DIP2C: variants seen among roughly 807,000 people sequenced by gnomAD.
DIP2C encodes disco-interacting protein 2 homolog C.
DIP2C carries 33 observed loss-of-function variants against 192.4 expected under a neutral mutation model. The observed-to-expected ratio is 0.17, with a 90% CI of 0.13 to 0.23. The LOEUF (loss-of-function observed/expected upper bound fraction) is 0.23. Ranked by LOEUF, DIP2C falls within the 10% of genes least tolerant of loss-of-function variation. DIP2C has a pLI of 1.00. For synonymous variants in DIP2C, 979 were observed against 864.1 expected (o/e 1.13, Z -2.33); for missense variants, 1,537 against 2,110.1 (o/e 0.73, Z 5.32).
At chr10:512,582 C>T (rs545949088) in intron 1 of DIP2C, among the ~76,000 whole-genome samples, 98 of 151,628 alleles carry the variant, frequency 6.5e-4, no homozygotes, top group African/African-American at 2.2e-3. Context: ...GAGACCCCAT[C>T]TCAAAAAACA....
At chr10:423,854 C>G (rs1347415230) in intron 4 of DIP2C, among the ~76,000 whole-genome samples, 6 of 152,224 alleles carry the variant, frequency 3.9e-5, no homozygotes, top group Non-Finnish European at 8.8e-5. Flanking sequence ...GGGCACACGA[C>G]AAACCTTCAT....
chr10:355,671 A>G (rs1959047387), intron 24 of DIP2C, among the ~76,000 whole-genome samples: 1 of 152,212 alleles, frequency 6.6e-6, no homozygotes, highest in East Asian at 1.9e-4. Flanking sequence ...CGGTGGAACA[A>G]TATTTGATGA....
At chr10:582,068 C>T (rs552680718) in intron 1 of DIP2C, among the ~76,000 whole-genome samples, 1 of 152,156 alleles carries the variant, frequency 6.6e-6, no homozygotes, top group Admixed American at 6.5e-5. Flanking sequence ...AATAGGATTC[C>T]AGTGTCTATG....
intron 1 of DIP2C, among the ~76,000 whole-genome samples, chr10:506,946 T>TG (rs1333023975): frequency 1.3e-5 from 2 of 151,286 alleles, no homozygotes; most frequent in African/African-American, 4.9e-5. Flanking sequence ...TGTGAGGGCA[T>TG]GGACCCGGTC....
chr10:574,854 G>A (rs577269334), intron 1 of DIP2C, among the ~76,000 whole-genome samples: 2 of 152,318 alleles, frequency 1.3e-5, no homozygotes, highest in East Asian at 3.9e-4. Flanking sequence ...TCAATGCTTT[G>A]TATGTGCAAA....
At chr10:573,725 CTTT>C (rs1306405099) in intron 1 of DIP2C, among the ~76,000 whole-genome samples, 1 of 151,710 alleles carries the variant, frequency 6.6e-6, no homozygotes, top group South Asian at 2.1e-4. Context: ...TTCCTCTTTT[CTTT>C]TTAAGTGATT....
chr10:302,893 C>G (rs1294581989), intron 32 of DIP2C, among the ~76,000 whole-genome samples: 1 of 152,250 alleles, frequency 6.6e-6, no homozygotes, highest in African/African-American at 2.4e-5. Flanking sequence ...TACAACATCA[C>G]TGCACGTGGC....
chr10:524,967 C>CAAAAAAAAATAAAAAAAAAAAA (rs1846962944), intron 1 of DIP2C, among the ~76,000 whole-genome samples: 1 of 111,212 alleles, frequency 9.0e-6, no homozygotes, highest in Non-Finnish European at 1.7e-5. Context: ...ATCACAATTT[C>CAAAAAAAAATAAAAAAAAAAAA]AAAAAAAAAA....
intron 36 of DIP2C, 139 bp downstream of exon 36, chr10:281,061 A>C: frequency 2.4e-6 from 3 of 1,238,268 alleles, no homozygotes; most frequent in Non-Finnish European, 3.4e-6. Flanking sequence ...CCAAAAGATA[A>C]AGATTTATAG....
chr10:308,909 C>G (rs754593477), intron 32 of DIP2C, among the ~76,000 whole-genome samples: 4 of 152,214 alleles, frequency 2.6e-5, no homozygotes, highest in Non-Finnish European at 4.4e-5. Context: ...GCTGTTGGGA[C>G]ACCCCTGGTC....
chr10:620,642 GTGA>G (rs1853796823), intron 1 of DIP2C, among the ~76,000 whole-genome samples: 1 of 152,222 alleles, frequency 6.6e-6, no homozygotes, highest in African/African-American at 2.4e-5. Context: ...AAAAGCAGAA[GTGA>G]TGATCAGGAT....
At chr10:314,124 G>C (rs1956673562) in intron 31 of DIP2C, among the ~76,000 whole-genome samples, 1 of 152,176 alleles carries the variant, frequency 6.6e-6, no homozygotes. Context: ...CACAAAATTT[G>C]ACTACTTCTT....
intron 10 of DIP2C, among the ~76,000 whole-genome samples, chr10:397,691 C>T (rs907418122): frequency 6.6e-6 from 1 of 152,230 alleles, no homozygotes; most frequent in African/African-American, 2.4e-5. Context: ...GCACTGCAGC[C>T]GCCCCACTTC....
intron 2 of DIP2C, among the ~76,000 whole-genome samples, chr10:475,192 C>T (rs1025684446): frequency 3.9e-5 from 6 of 152,116 alleles, no homozygotes; most frequent in Admixed American, 1.3e-4. Flanking sequence ...AAGCGGCCGC[C>T]TGCTTCCTGG....
At chr10:297,869 A>G (rs1955834447) in intron 32 of DIP2C, among the ~76,000 whole-genome samples, 2 of 152,232 alleles carry the variant, frequency 1.3e-5, no homozygotes, top group South Asian at 2.1e-4. Flanking sequence ...TGCTAACTAC[A>G]TGTTATATGT....
At chr10:343,074 G>A (rs1958237992) in intron 28 of DIP2C, among the ~76,000 whole-genome samples, 1 of 152,166 alleles carries the variant, frequency 6.6e-6, no homozygotes, top group African/African-American at 2.4e-5. Context: ...CAGATCACAA[G>A]GTCAGGAGAT....
chr10:485,053 C>T (rs1843908344), intron 2 of DIP2C: 4 of 1,376,634 alleles, frequency 2.9e-6, no homozygotes, highest in Non-Finnish European at 3.9e-6. Flanking sequence ...AGCACACAGA[C>T]CACCAAGGGG....
intron 1 of DIP2C, among the ~76,000 whole-genome samples, chr10:599,838 T>A (rs1214078424): frequency 6.6e-6 from 1 of 152,174 alleles, no homozygotes; most frequent in Non-Finnish European, 1.5e-5. Flanking sequence ...CTTTCCTCCA[T>A]GCACTGAGGA....
chr10:415,807 C>G lies in DIP2C; in HGVS notation c.821G>C (p.Arg274Pro). Residue 274 changes from arginine (R) to proline (P), a missense_variant, in exon 7 of 37, where the codon CGA (arginine) becomes CCA (proline). By Grantham distance (103) the Arg-to-Pro change is moderately radical. Transcript: ENST00000280886. ...TLKRPKRPPL[R>P]EFFVDDFEEL... is the part of the protein sequence containing the mutation. The stretch of plus-strand genomic sequence containing the variant: ...TTCAAAGTCATCGACAAAGAATTCT[C>G]GTAAAGGTGGTCGTTTCGGTCGTTT... 1 of 1,613,934 alleles carries G rather than the reference C, an allele frequency of 6.2e-7. No individual in the cohort carries two copies. The highest frequency in any genetic ancestry group is 8.5e-7 in the Non-Finnish European group (1 of 1,180,008).
Sources: allele counts gnomAD v4.1 joint callset (sites outside exome capture counted in the v4.1 genomes callset), GRCh38; gene constraint gnomAD v4.1.1; transcripts MANE v1.5; gene names NCBI Gene and HGNC (gene_info 2026-07-23, HGNC 2026-07-21).